The following BLM variants were observed in gnomAD, a reference collection of about 807,000 sequenced individuals.
BLM encodes the protein recQ-like DNA helicase BLM.
BLM carries 95 observed loss-of-function variants against 135.3 expected under a neutral mutation model. That is an observed-to-expected ratio of 0.70 (90% CI 0.59 to 0.83). The LOEUF is 0.83. Ranked by LOEUF, BLM falls within the 40% of genes least tolerant of loss-of-function variation. The pLI, the probability that BLM is intolerant of heterozygous loss-of-function variation, is 0.00. For synonymous variants in BLM, 520 were observed against 589.2 expected (o/e 0.88, Z 1.70); for missense variants, 1,518 against 1,663.9 (o/e 0.91, Z 1.53).
chr15:90,776,411 G>T (rs1220161206), intron 12 of BLM, among the ~76,000 whole-genome samples: 1 of 152,140 alleles, frequency 6.6e-6, no homozygotes, highest in Non-Finnish European at 1.5e-5. Flanking sequence ...TATCCAATAT[G>T]TATGGAAGAG....
At chr15:90,799,662 T>C (rs1596264593) in intron 17 of BLM, among the ~76,000 whole-genome samples, 1 of 144,678 alleles carries the variant, frequency 6.9e-6, no homozygotes, top group East Asian at 2.0e-4. Flanking sequence ...TTAAGACATA[T>C]GGCCACGAGA....
Position 90,765,498 on chromosome 15 carries a change from C to T in BLM, c.2193+84C>T, listed in dbSNP as rs17181698. 78,439 of 1,121,778 alleles carry T rather than the reference C, an allele frequency of 0.07. 3,080 individuals are homozygous for T. Among genetic ancestry groups the T allele is most frequent in the Non-Finnish European group, 0.077 (58,460 of 756,322 alleles). The allele number at this position is 1,121,778 out of a possible 1,614,324, so 69.5% of individuals were successfully genotyped here. A position where few individuals can be genotyped will look rare whatever the true frequency, so the allele number is the denominator to read the frequency against. On this transcript the variant is annotated intron_variant, in intron 9 of 21. Transcript: ENST00000355112. ...TGGATAACCTTTTTATTAAATAGTT[C>T]GTGATTTGTAAAAAATAAAGCACAG...
At chr15:90,724,561 C>T (rs781557216) in intron 1 of BLM, among the ~76,000 whole-genome samples, 2 of 152,174 alleles carry the variant, frequency 1.3e-5, no homozygotes, top group Non-Finnish European at 2.9e-5. Flanking sequence ...CCTGTCCACC[C>T]GCATTCCAGA....
intron 19 of BLM, among the ~76,000 whole-genome samples, chr15:90,805,996 T>C (rs377449840): frequency 4.6e-5 from 7 of 152,200 alleles, no homozygotes; most frequent in African/African-American, 1.4e-4. Flanking sequence ...ATTACAGGCA[T>C]GCGCCCACCA....
rs960821931 is a variant in BLM, at chr15:90,804,263, C to G, written c.3655C>G (p.Leu1219Val). 19 of 1,613,876 alleles carry G rather than the reference C, an allele frequency of 1.2e-5. No individual in the cohort carries two copies. Among genetic ancestry groups the G allele is most frequent in the Non-Finnish European group, 1.6e-5 (19 of 1,179,934 alleles). Residue 1219 changes from leucine to valine, a missense_variant, in exon 19 of 22, where the codon CTT (leucine) becomes GTT (valine). This residue lies in a region of BLM where 626 missense variants were observed against 681.1 expected (regional missense o/e 0.92). Coordinates refer to ENST00000355112, the MANE Select transcript of BLM (RefSeq NM_000057.4). ...SQREEMVKKC[L>V]GELTEVCKSL... ...GAGGGAAGAGATGGTTAAAAAATGT[C>G]TTGGAGAACTTACAGAAGTCTGCAA...
chr15:90,796,659 C>T lies in BLM; in HGVS notation c.3211-1531C>T, dbSNP rs1393372462. Among the ~76,000 whole-genome samples the T allele has an allele frequency of 3.9e-5, 6 of 152,132 alleles. No homozygotes were observed. The East Asian group carries it at 1.2e-3, about 29-fold the overall frequency. On this transcript the variant is annotated intron_variant, in intron 16 of 21. Coordinates refer to ENST00000355112, the MANE Select transcript of BLM (RefSeq NM_000057.4). ...GAAGTATAAAGATAATGATTGCCTA[C>T]AGCATTAACAGTCCATTCGAGCTTT...
At chr15:90,797,016 G>A (rs1897042948) in intron 16 of BLM, among the ~76,000 whole-genome samples, 1 of 152,136 alleles carries the variant, frequency 6.6e-6, no homozygotes, top group African/African-American at 2.4e-5. Context: ...GGTAGGAAGT[G>A]TGAGCGGCTG....
rs185637484 is a variant in BLM at position 90,770,175 on chromosome 15, C to G, written c.2555+589C>G. 5.6e-4 allele frequency among the ~76,000 whole-genome samples: 81 copies of G among 144,856 alleles called. 2 individuals are homozygous for G. Among genetic ancestry groups the G allele is most frequent in the African/African-American group, 1.8e-3 (69 of 38,968 alleles). ...ATCTACTATAAAAGAAATCCCCCCC[C>G]CCTTTTTTTTTTTTTTGAGATGGAG... On this transcript the variant is annotated intron_variant, in intron 12 of 21. Coordinates refer to ENST00000355112, the MANE Select transcript of BLM (RefSeq NM_000057.4).
intron 12 of BLM, 79 bp downstream of exon 12, chr15:90,769,665 G>GTGCT: frequency 6.7e-7 from 1 of 1,502,612 alleles, no homozygotes; most frequent in Non-Finnish European, 9.1e-7. Flanking sequence ...ATCACCTGTG[G>GTGCT]CGCTTTAACG....
At chr15:90,785,976 AT>A (rs1408640509) in intron 14 of BLM, among the ~76,000 whole-genome samples, 1 of 140,234 alleles carries the variant, frequency 7.1e-6, no homozygotes, top group Non-Finnish European at 1.6e-5. Flanking sequence ...CTGGTTAGAC[AT>A]TTGGCTTGTT....
chr15:90,726,050 A>C (rs1305638453), intron 1 of BLM, among the ~76,000 whole-genome samples: 2 of 152,186 alleles, frequency 1.3e-5, no homozygotes, highest in East Asian at 3.9e-4. Flanking sequence ...TATGGGGTAC[A>C]TAGTGATATT....
chr15:90,754,971 T>G, intron 5 of BLM, 33 bp downstream of exon 5: 6 of 1,611,712 alleles, frequency 3.7e-6, no homozygotes, highest in Non-Finnish European at 5.1e-6. Flanking sequence ...ACCATGTATT[T>G]CAACTACTTA....
At position 90,720,980 on chromosome 15, in the gene BLM, C is replaced by T. The variant is rs1894749963; in HGVS notation, c.-5+3540C>T. 2.6e-5 allele frequency among the ~76,000 whole-genome samples: 4 copies of T among 152,014 alleles called. No homozygotes were observed. The South Asian group carries it at 8.3e-4, about 31-fold the overall frequency. Reference sequence around the variant, plus strand: ...AAGCCAAGGTTGGGGATTGCTTGAGCCTGGGAGTTCAAGACCAGCCTGGGC... The same window carrying T: ...AAGCCAAGGTTGGGGATTGCTTGAGTCTGGGAGTTCAAGACCAGCCTGGGC... On this transcript the variant is annotated intron_variant, in intron 1 of 21. Coordinates refer to ENST00000355112, the MANE Select transcript of BLM (RefSeq NM_000057.4).
At chr15:90,792,958 A>G (rs1896940804) in intron 15 of BLM, among the ~76,000 whole-genome samples, 1 of 151,350 alleles carries the variant, frequency 6.6e-6, no homozygotes, top group Non-Finnish European at 1.5e-5. Context: ...AGGCCCAAAC[A>G]TGGCCAGGCA....
chr15:90,778,936 A>G (rs1896549838), intron 12 of BLM, among the ~76,000 whole-genome samples: 1 of 143,154 alleles, frequency 7.0e-6, no homozygotes, highest in African/African-American at 2.6e-5. Context: ...CCCAGGCTGG[A>G]GTGCAGTGGT....
chr15:90,807,772 C>G (rs888094874), intron 19 of BLM, among the ~76,000 whole-genome samples: 1 of 152,172 alleles, frequency 6.6e-6, no homozygotes, highest in African/African-American at 2.4e-5. Context: ...TTCACAATCA[C>G]TTTTTTAATG....
intron 12 of BLM, among the ~76,000 whole-genome samples, chr15:90,776,408 T>C (rs1896478010): frequency 2.6e-5 from 4 of 152,214 alleles, no homozygotes; most frequent in Non-Finnish European, 5.9e-5. Context: ...CTGTATCCAA[T>C]ATGTATGGAA....
chr15:90,739,987 A>G (rs1011486647), intron 1 of BLM, among the ~76,000 whole-genome samples: 1 of 151,782 alleles, frequency 6.6e-6, no homozygotes, highest in Non-Finnish European at 1.5e-5. Context: ...CTGGTCTCCA[A>G]CTCCTGGGCT....
intron 1 of BLM, among the ~76,000 whole-genome samples, chr15:90,726,460 G>T (rs1028315737): frequency 5.3e-5 from 8 of 152,106 alleles, no homozygotes; most frequent in Non-Finnish European, 1.2e-4. Flanking sequence ...TAGAGACGGG[G>T]TTTCTCCATG....
Sources: gnomAD v4.1 joint callset for allele counts (sites outside exome capture counted in the v4.1 genomes callset) on GRCh38, gnomAD v4.1.1 for gene constraint, gnomAD v4.1.1 regional missense constraint, MANE v1.5 for transcripts, NCBI Gene and HGNC (gene_info 2026-07-23, HGNC 2026-07-21) for gene names.